DCUN1D2: variants seen among roughly 807,000 people sequenced by gnomAD.
DCUN1D2 encodes defective in cullin neddylation 1 domain containing 2, also known as DCN1-like protein 2.
In DCUN1D2, 29 loss-of-function variants were observed where a neutral mutation model predicts 30.9. That is an observed-to-expected ratio of 0.94 (90% CI 0.70 to 1.28). DCUN1D2 has a LOEUF of 1.28. DCUN1D2 is among the 50% of genes most tolerant of loss of function. DCUN1D2 has a pLI of 0.00. For synonymous variants in DCUN1D2, 121 were observed against 115.3 expected, an observed-to-expected ratio of 1.05 and a Z score of -0.32; for missense variants, 325 against 316.9, an observed-to-expected ratio of 1.03 and a Z score of -0.19.
Position 113,490,352 on chromosome 13 carries a change from C to G in DCUN1D2, c.3+315G>C. ...CCCGTTTCGAAGCCGCCCTGGGAAGCCCCCGGCCTGGGTTCCCGCTCGGCC... is the reference window on the plus strand; with the variant it reads ...CCCGTTTCGAAGCCGCCCTGGGAAGGCCCCGGCCTGGGTTCCCGCTCGGCC... On this transcript the variant is annotated intron_variant, in intron 1 of 6. Transcript: ENST00000478244. The surrounding 1 kb of genome is among the most constrained non-coding windows in gnomAD (Gnocchi z 5.2). 1 of 267,076 alleles carries G rather than the reference C, an allele frequency of 3.7e-6. No homozygotes were observed. The highest frequency in any genetic ancestry group is 7.0e-6 in the Non-Finnish European group (1 of 142,372). The allele number at this position is 267,076 out of a possible 1,614,324, so 16.5% of individuals were successfully genotyped here.
intron 3 of DCUN1D2, among the ~76,000 whole-genome samples, chr13:113,474,729 T>A (rs1361181996): frequency 3.3e-5 from 5 of 151,844 alleles, no homozygotes; most frequent in Non-Finnish European, 7.4e-5. Flanking sequence ...AGAGACGAGG[T>A]AATGGAAAGA....
At chr13:113,459,670 A>G in intron 5 of DCUN1D2, 1 of 281,196 alleles carries the variant, frequency 3.6e-6, no homozygotes, top group Admixed American at 4.7e-5. Flanking sequence ...GTCACATAGA[A>G]GGGCAGCATT....
intron 4 of DCUN1D2, among the ~76,000 whole-genome samples, chr13:113,472,667 C>A (rs1458130140): frequency 6.6e-6 from 1 of 152,214 alleles, no homozygotes; most frequent in Non-Finnish European, 1.5e-5. Flanking sequence ...CTGGGATCAT[C>A]CCAGCTCACA....
At chr13:113,460,973 A>C in intron 5 of DCUN1D2, 81 bp downstream of exon 5, 1 of 838,388 alleles carries the variant, frequency 1.2e-6, no homozygotes, top group Non-Finnish European at 1.9e-6. Context: ...GTGAGACCTG[A>C]GGTGGATGAT....
upstream of DCUN1D2, chr13:113,490,973 ACC>A (rs954584615): frequency 5.3e-6 from 1 of 187,638 alleles, no homozygotes; most frequent in African/African-American, 2.4e-5. The surrounding 1 kb of genome is among the most constrained non-coding windows in gnomAD (Gnocchi z 5.2). Flanking sequence ...GGCCGACGGG[ACC>A]CGCCCACGCC....
intron 2 of DCUN1D2, among the ~76,000 whole-genome samples, chr13:113,481,695 C>A (rs1157273779): frequency 2.0e-5 from 3 of 151,824 alleles, no homozygotes; most frequent in Admixed American, 2.0e-4. Flanking sequence ...ACCAGCCTGG[C>A]CAACATGGCG....
chr13:113,484,227 TAACA>T (rs1471861367), intron 1 of DCUN1D2, 171 bp from the exon 2 acceptor site: 6 of 1,392,112 alleles, frequency 4.3e-6, no homozygotes, highest in East Asian at 2.5e-5. Flanking sequence ...ATCTATACTG[TAACA>T]AACAGGCAGT....
chr13:113,490,276 C>T lies in DCUN1D2; in HGVS notation c.3+391G>A, dbSNP rs899220734. On this transcript the variant is annotated intron_variant, in intron 1 of 6. Transcript: ENST00000478244. The surrounding 1 kb of genome is among the most constrained non-coding windows in gnomAD (Gnocchi z 5.2). ...GCGCTGTTTTGGTCAACAGCCTCAGCATCTGCACAGACGCCCGCAGGAGCA... is the reference window on the plus strand; with the variant it reads ...GCGCTGTTTTGGTCAACAGCCTCAGTATCTGCACAGACGCCCGCAGGAGCA... Among the ~76,000 whole-genome samples, 1 of 152,220 alleles carries T rather than the reference C, an allele frequency of 6.6e-6. No individual in the cohort carries two copies. Among genetic ancestry groups the T allele is most frequent in the Non-Finnish European group, 1.5e-5 (1 of 68,034 alleles).
At chr13:113,463,727 G>C (rs1285160347) in intron 4 of DCUN1D2, among the ~76,000 whole-genome samples, 1 of 151,876 alleles carries the variant, frequency 6.6e-6, no homozygotes, top group Non-Finnish European at 1.5e-5. Context: ...CACACACACA[G>C]ATACACATAG....
At chr13:113,483,459 T>C (rs1272727728) in intron 2 of DCUN1D2, among the ~76,000 whole-genome samples, 1 of 152,094 alleles carries the variant, frequency 6.6e-6, no homozygotes, top group South Asian at 2.1e-4. Flanking sequence ...TCATCAATAT[T>C]TCAGCCTAAA....
At chr13:113,466,728 G>C (rs529685008) in intron 4 of DCUN1D2, among the ~76,000 whole-genome samples, 1 of 151,936 alleles carries the variant, frequency 6.6e-6, no homozygotes, top group African/African-American at 2.4e-5. Flanking sequence ...AGCTGGTTAA[G>C]GCTGGAAGCT....
At chr13:113,468,062 A>G (rs2044436918) in intron 4 of DCUN1D2, among the ~76,000 whole-genome samples, 2 of 151,662 alleles carry the variant, frequency 1.3e-5, no homozygotes, top group Admixed American at 6.6e-5. Flanking sequence ...AAAAAAAAAA[A>G]AAAGAATTAA....
intron 6 of DCUN1D2, among the ~76,000 whole-genome samples, chr13:113,458,464 AG>A (rs1313308309): frequency 6.6e-6 from 1 of 152,186 alleles, no homozygotes; most frequent in Non-Finnish European, 1.5e-5. Context: ...TCTTGCCAGC[AG>A]GGGGTGCTCC....
At chr13:113,480,081 C>T (rs900098082) in intron 3 of DCUN1D2, among the ~76,000 whole-genome samples, 1 of 152,184 alleles carries the variant, frequency 6.6e-6, no homozygotes, top group African/African-American at 2.4e-5. Context: ...TTACATTAGG[C>T]CCTTTCATTT....
chr13:113,479,725 AAAAC>A lies in DCUN1D2; in HGVS notation c.389+846_389+849del, dbSNP rs199885745. ...GTGACAGAGTAAGACTCCATCTCAAAAAACAAACAAACAAACAAACAAGTAGGAG... is the reference window on the plus strand; with the variant it reads ...GTGACAGAGTAAGACTCCATCTCAAAAAACAAACAAACAAACAAGTAGGAG... On this transcript the variant is annotated intron_variant, in intron 3 of 6. Coordinates refer to ENST00000478244, the MANE Select transcript of DCUN1D2 (RefSeq NM_001014283.2). Among the ~76,000 whole-genome samples the A allele has an allele frequency of 5.0e-3, 755 of 152,346 alleles. 35 individuals carry two copies. In the East Asian group the frequency reaches 0.12, roughly 23 times the overall value.
chr13:113,471,816 T>C (rs1387166845), intron 4 of DCUN1D2, among the ~76,000 whole-genome samples: 1 of 152,206 alleles, frequency 6.6e-6, no homozygotes, highest in Non-Finnish European at 1.5e-5. Context: ...CAGGGAATAC[T>C]GTCCCCAAAA....
rs1300115615 is a variant in DCUN1D2, at chr13:113,457,721, C to T, written c.*308G>A. ...CGAGCTACGCAGCATGCTCTGCGGTCCCACAGGCGGCGCTATGGCTCTACC... is the reference window on the plus strand; with the variant it reads ...CGAGCTACGCAGCATGCTCTGCGGTTCCACAGGCGGCGCTATGGCTCTACC... On this transcript the variant is annotated 3_prime_UTR_variant, in exon 7 of 7. Transcript: ENST00000478244. The T allele has an allele frequency of 4.2e-6, 1 of 237,900 alleles. No individual in the cohort carries two copies. Among genetic ancestry groups the T allele is most frequent in the African/African-American group, 2.2e-5 (1 of 45,380 alleles). 14.7% of individuals were successfully genotyped at this position (237,900 alleles called of 1,614,324 possible). A position where few individuals can be genotyped will look rare whatever the true frequency, so the allele number is the denominator to read the frequency against.
chr13:113,460,176 C>T (rs1179474650), intron 5 of DCUN1D2, among the ~76,000 whole-genome samples: 7 of 152,228 alleles, frequency 4.6e-5, no homozygotes, highest in Admixed American at 4.6e-4. Context: ...GGCAAACCCA[C>T]AGGACTGAGT....
At chr13:113,487,496 G>C (rs901275173) in intron 1 of DCUN1D2, among the ~76,000 whole-genome samples, 2 of 152,156 alleles carry the variant, frequency 1.3e-5, no homozygotes, top group African/African-American at 4.8e-5. Flanking sequence ...CACAGCGCAC[G>C]ACTCCAGCTG....
Sources: allele counts gnomAD v4.1 joint callset (sites outside exome capture counted in the v4.1 genomes callset), GRCh38; gene constraint gnomAD v4.1.1; non-coding constraint Gnocchi (gnomAD v3.1); transcripts MANE v1.5; gene names NCBI Gene and HGNC (gene_info 2026-07-23, HGNC 2026-07-21).